HMGB2: variants seen among roughly 807,000 people sequenced by gnomAD.
HMGB2 encodes the protein high mobility group protein B2.
HMGB2 carries 2 observed loss-of-function variants against 23.0 expected under a neutral mutation model. The observed-to-expected ratio is 0.09, with a 90% CI of 0.04 to 0.27. The LOEUF is 0.27. HMGB2 is among the 10% of genes least tolerant of loss of function. The pLI is 1.00. For synonymous variants in HMGB2, 99 were observed against 87.5 expected (o/e 1.13, Z -0.73); for missense variants, 178 against 256.5 (o/e 0.69, Z 2.09).
rs1738114671 is a variant in HMGB2 at position 173,332,120 on chromosome 4, T to A, written c.590A>T (p.Glu197Val). ...ATCCTCTTCCTCCTCATCTTCATCT[T>A]CTTCTTCCTCCTCCTCCTCCTCATC... The part of the protein sequence containing the change: ...PEDEEEEEEE[E>V]DEDEEEEDED... Residue 197 changes from glutamate to valine, a missense_variant, in exon 5 of 5, where the codon GAA becomes GTA. By Grantham distance (121) the Glu-to-Val change is moderately radical. Around this residue, in one of 3 missense-constraint regions of HMGB2, gnomAD observed 45 missense variants for 38.8 expected, o/e 1.16. Coordinates refer to ENST00000296503, the MANE Select transcript of HMGB2 (RefSeq NM_002129.4). 3 of 1,611,504 alleles carry A rather than the reference T, an allele frequency of 1.9e-6. No individual in the cohort carries two copies. The highest frequency in any genetic ancestry group is 3.3e-5 in the Admixed American group (2 of 59,986).
Position 173,332,698 on chromosome 4 carries a change from A to G in HMGB2, c.471+123T>C, listed in dbSNP as rs142574192. 97 of 871,528 alleles carry G rather than the reference A, an allele frequency of 1.1e-4. No homozygotes were observed. The East Asian group carries it at 2.3e-3, about 21-fold the overall frequency. 54.0% of individuals were successfully genotyped at this position (871,528 alleles called of 1,614,324 possible). On this transcript the variant is annotated intron_variant, in intron 4 of 4. Transcript: ENST00000296503. ...CCTTGTGTTGAAGTGTACAATTTTC[A>G]TTAGGCCTTTTCAAAACATAGCTGA...
chr4:173,332,162 T>G lies in HMGB2; in HGVS notation c.548A>C (p.Lys183Thr). The G allele has an allele frequency of 6.2e-7, 1 of 1,613,900 alleles. No individual in the cohort carries two copies. The highest frequency in any genetic ancestry group is 1.3e-5 in the African/African-American group (1 of 75,060). ...CTCCTCATCTTCTGGTTCGTTCTTC[T>G]TCTTTGAGCCTGTTGGCCTGCCAGG... ...KGPGRPTGSKKKNEPEDEEEE... is the reference protein window; with the variant it reads ...KGPGRPTGSKTKNEPEDEEEE... Residue 183 changes from lysine (K) to threonine (T), a missense_variant, in exon 5 of 5, where the codon AAG (lysine) becomes ACG (threonine). Around this residue, in one of 3 missense-constraint regions of HMGB2, gnomAD observed 45 missense variants for 38.8 expected, o/e 1.16. Transcript: ENST00000296503.
At position 173,333,069 on chromosome 4, in the gene HMGB2, G is replaced by A. The variant is rs746823348; in HGVS notation, c.296C>T (p.Pro99Leu). ...GCAATTTGGGTTATTTTAAACTTAC[G>A]GTGGCCTTTTAGGAGCATTGGGGTC... ...KKDPNAPKRP[P>L]SAFFLFCSEH... The change falls in exon 3 of 5, where the codon CCA becomes CTA. Residue 99 changes from proline to leucine, a missense_variant and splice_region_variant. Physicochemically the swap from Pro to Leu is moderately conservative, Grantham distance 98. This residue lies in a region of HMGB2 where 43 missense variants were observed against 103.3 expected (regional missense o/e 0.42). Coordinates refer to ENST00000296503, the MANE Select transcript of HMGB2 (RefSeq NM_002129.4). This position sits in a 1 kb window ranked among gnomAD's most constrained non-coding sequence, Gnocchi z 4.6. 4 of 1,612,910 alleles carry A rather than the reference G, an allele frequency of 2.5e-6. No individual in the cohort carries two copies. The highest frequency in any genetic ancestry group is 3.4e-6 in the Non-Finnish European group (4 of 1,179,480).
chr4:173,333,809 C>A lies in HMGB2; in HGVS notation c.-20-140G>T, dbSNP rs1738173624. ...CGCGCCCCCCTCCTCCCGAGGGCGT[C>A]CTCCCAAGGGCGGCCGCCCGCGCCC... On this transcript the variant is annotated intron_variant, in intron 1 of 4. Coordinates refer to ENST00000296503, the MANE Select transcript of HMGB2 (RefSeq NM_002129.4). The surrounding 1 kb of genome is among the most constrained non-coding windows in gnomAD (Gnocchi z 4.6). The A allele has an allele frequency of 2.0e-6, 1 of 507,078 alleles. No individual in the cohort carries two copies. The highest frequency in any genetic ancestry group is 3.0e-6 in the Non-Finnish European group (1 of 332,852). The allele number at this position is 507,078 out of a possible 1,614,324, so 31.4% of individuals were successfully genotyped here.
chr4:173,332,313 C>G (rs1738122739), intron 4 of HMGB2, 75 bp from the exon 5 acceptor site: 4 of 1,150,058 alleles, frequency 3.5e-6, no homozygotes, highest in Non-Finnish European at 3.7e-6. Flanking sequence ...TGTAAACAAT[C>G]TAAGATGATT....
rs912111885 is a variant in HMGB2 at position 173,332,125 on chromosome 4, T to C, written c.585A>G (p.Glu195=). The C allele has an allele frequency of 5.2e-5, 84 of 1,607,682 alleles. No individual in the cohort carries two copies. Among genetic ancestry groups the C allele is most frequent in the East Asian group, 4.2e-4 (19 of 44,836 alleles). ...CTTCCTCCTCATCTTCATCTTCTTC[T>C]TCCTCCTCCTCCTCCTCATCTTCTG... ...NEPEDEEEEE[E]EEDEDEEEED... is the part of the protein sequence containing the mutation. The change falls in exon 5 of 5, where the codon GAA becomes GAG. Residue 195 remains glutamate, a synonymous_variant. Transcript: ENST00000296503.
Position 173,334,292 on chromosome 4 carries a change from G to C in HMGB2, c.-41C>G, listed in dbSNP as rs1310549198. The C allele has an allele frequency of 1.3e-5, 2 of 152,406 alleles. No individual in the cohort carries two copies. The highest frequency in any genetic ancestry group is 1.5e-5 in the Non-Finnish European group (1 of 68,226). The allele number at this position is 152,406 out of a possible 1,614,324, so 9.4% of individuals were successfully genotyped here. A position where few individuals can be genotyped will look rare whatever the true frequency, so the allele number is the denominator to read the frequency against. On this transcript the variant is annotated 5_prime_UTR_variant, in exon 1 of 5. Coordinates refer to ENST00000296503, the MANE Select transcript of HMGB2 (RefSeq NM_002129.4). ...CTTGCCTGGTGCGAGCTTTTCCTCA[G>C]AGTCCCGCAGAGCGGCCGGACCCAA...
chr4:173,332,058 C>G lies in HMGB2; in HGVS notation c.*22G>C. The G allele has an allele frequency of 6.2e-7, 1 of 1,613,450 alleles. No individual in the cohort carries two copies. Among genetic ancestry groups the G allele is most frequent in the Non-Finnish European group, 8.5e-7 (1 of 1,179,834 alleles). ...CCTGAGCACACACACACATTCCACA[C>G]GCATCATTAAAGGATAGCCATTTAT... On this transcript the variant is annotated 3_prime_UTR_variant, in exon 5 of 5. Coordinates refer to ENST00000296503, the MANE Select transcript of HMGB2 (RefSeq NM_002129.4).
Position 173,333,287 on chromosome 4 carries a change from T to C in HMGB2, c.151-73A>G, listed in dbSNP as rs957755830. The stretch of plus-strand genomic sequence containing the variant: ...TAAACATCCAAAGACGACAAGATCA[T>C]CTTTAAGGACCACATTTTCCTTAAC... On this transcript the variant is annotated intron_variant, in intron 2 of 4. Transcript: ENST00000296503. This position sits in a 1 kb window ranked among gnomAD's most constrained non-coding sequence, Gnocchi z 4.6. The C allele has an allele frequency of 3.3e-6, 5 of 1,512,964 alleles. No individual in the cohort carries two copies. In the African/African-American group the frequency reaches 5.6e-5, roughly 17 times the overall value. 93.7% of individuals were successfully genotyped at this position (1,512,964 alleles called of 1,614,324 possible). A position where few individuals can be genotyped will look rare whatever the true frequency, so the allele number is the denominator to read the frequency against.
chr4:173,333,544 C>A lies in HMGB2; in HGVS notation c.106G>T (p.Val36Phe). 6.2e-7 allele frequency: 1 copy of A among 1,614,134 alleles called. No individual in the cohort carries two copies. The highest frequency in any genetic ancestry group is 8.5e-7 in the Non-Finnish European group (1 of 1,179,974). Residue 36 changes from valine (V) to phenylalanine (F), a missense_variant, in exon 2 of 5, where the codon GTC (valine) becomes TTC (phenylalanine). This residue lies in a region of HMGB2 where 90 missense variants were observed against 114.4 expected (regional missense o/e 0.79). Transcript: ENST00000296503. This position sits in a 1 kb window ranked among gnomAD's most constrained non-coding sequence, Gnocchi z 4.6. ...EHKKKHPDSSVNFAEFSKKCS... is the reference protein window; with the variant it reads ...EHKKKHPDSSFNFAEFSKKCS... ...TTCTTGGAGAATTCCGCGAAATTGACGGAAGAGTCCGGGTGTTTCTTCTTG... is the reference window on the plus strand; with the variant it reads ...TTCTTGGAGAATTCCGCGAAATTGAAGGAAGAGTCCGGGTGTTTCTTCTTG...
Position 173,332,989 on chromosome 4 carries a change from G to C in HMGB2, c.303C>G (p.Ala101=). The C allele has an allele frequency of 3.1e-6, 5 of 1,613,980 alleles. No homozygotes were observed. Among genetic ancestry groups the C allele is most frequent in the African/African-American group, 1.3e-5 (1 of 75,046 alleles). Residue 101 remains alanine (A), a synonymous_variant, in exon 4 of 5, where the codon GCC becomes GCG. Coordinates refer to ENST00000296503, the MANE Select transcript of HMGB2 (RefSeq NM_002129.4). ...DPNAPKRPPS[A]FFLFCSEHRP... ...GATGTTCAGAGCAAAACAGGAAGAA[G>C]GCAGATCTGAAAGGAAGCAACAGAG...
Position 173,332,464 on chromosome 4 carries a change from C to T in HMGB2, c.472-226G>A, listed in dbSNP as rs567969221. 297 of 523,178 alleles carry T rather than the reference C, an allele frequency of 5.7e-4. 1 individual carries two copies. The highest frequency in any genetic ancestry group is 3.8e-3 in the Admixed American group (103 of 27,410). The allele number at this position is 523,178 out of a possible 1,614,324, so 32.4% of individuals were successfully genotyped here. On this transcript the variant is annotated intron_variant, in intron 4 of 4. Transcript: ENST00000296503. ...GTATCAGTACTTTCACTACCAATAC[C>T]CTTTTACATCACACACAGTGCCATA... is the stretch of plus-strand genomic sequence containing the variant.
chr4:173,331,960 A>G lies in HMGB2; in HGVS notation c.*120T>C. On this transcript the variant is annotated 3_prime_UTR_variant, in exon 5 of 5. Coordinates refer to ENST00000296503, the MANE Select transcript of HMGB2 (RefSeq NM_002129.4). ...TACAGAGAATCTTATCAGCTATACA[A>G]AAATCTGTACAGTTTTTATACTGAA... is the stretch of plus-strand genomic sequence containing the variant. The G allele has an allele frequency of 7.2e-7, 1 of 1,397,582 alleles. No individual in the cohort carries two copies. Among genetic ancestry groups the G allele is most frequent in the Non-Finnish European group, 9.5e-7 (1 of 1,047,520 alleles). The allele number at this position is 1,397,582 out of a possible 1,614,324, so 86.6% of individuals were successfully genotyped here.
Position 173,333,382 on chromosome 4 carries a change from C to T in HMGB2, c.150+118G>A. 2 of 1,396,564 alleles carry T rather than the reference C, an allele frequency of 1.4e-6. No homozygotes were observed. The highest frequency in any genetic ancestry group is 2.0e-6 in the Non-Finnish European group (2 of 1,024,618). 86.5% of individuals were successfully genotyped at this position (1,396,564 alleles called of 1,614,324 possible). A position where few individuals can be genotyped will look rare whatever the true frequency, so the allele number is the denominator to read the frequency against. On this transcript the variant is annotated intron_variant, in intron 2 of 4. Transcript: ENST00000296503. This position sits in a 1 kb window ranked among gnomAD's most constrained non-coding sequence, Gnocchi z 4.6. Reference sequence around the variant, plus strand: ...GTCTGCCTGGAACTCTTAAGATATTCAGGTGAGTCACTGGGGTGGCAAAGT... The same window carrying T: ...GTCTGCCTGGAACTCTTAAGATATTTAGGTGAGTCACTGGGGTGGCAAAGT...
Position 173,333,402 on chromosome 4 carries a change from C to A in HMGB2, c.150+98G>T, listed in dbSNP as rs1339516180. On this transcript the variant is annotated intron_variant, in intron 2 of 4. Transcript: ENST00000296503. This position sits in a 1 kb window ranked among gnomAD's most constrained non-coding sequence, Gnocchi z 4.6. Reference sequence around the variant, plus strand: ...ATATTCAGGTGAGTCACTGGGGTGGCAAAGTTGAAGCTCATGAGTTGCCTA... The same window carrying A: ...ATATTCAGGTGAGTCACTGGGGTGGAAAAGTTGAAGCTCATGAGTTGCCTA... 7.5e-6 allele frequency: 11 copies of A among 1,473,384 alleles called. No homozygotes were observed. The African/African-American group carries it at 1.6e-4, about 21-fold the overall frequency. 91.3% of individuals were successfully genotyped at this position (1,473,384 alleles called of 1,614,324 possible). A position where few individuals can be genotyped will look rare whatever the true frequency, so the allele number is the denominator to read the frequency against.
chr4:173,332,753 C>T (rs1738137803), intron 4 of HMGB2, 68 bp downstream of exon 4: 18 of 1,371,758 alleles, frequency 1.3e-5, no homozygotes, highest in Non-Finnish European at 1.8e-5. Flanking sequence ...AACTAAATTT[C>T]CCAGGTTTTC....
At position 173,333,712 on chromosome 4, in the gene HMGB2, G is replaced by T; in HGVS notation, c.-20-43C>A. ...GGAGAGGGGAAGCCGGAGGGTCGGCGCGGAGCCCGCAGCTGCCAGGGCGGG... is the reference window on the plus strand; with the variant it reads ...GGAGAGGGGAAGCCGGAGGGTCGGCTCGGAGCCCGCAGCTGCCAGGGCGGG... On this transcript the variant is annotated intron_variant, in intron 1 of 4. Coordinates refer to ENST00000296503, the MANE Select transcript of HMGB2 (RefSeq NM_002129.4). This position sits in a 1 kb window ranked among gnomAD's most constrained non-coding sequence, Gnocchi z 4.6. The T allele has an allele frequency of 6.8e-7, 1 of 1,474,664 alleles. No individual in the cohort carries two copies. The highest frequency in any genetic ancestry group is 9.1e-7 in the Non-Finnish European group (1 of 1,094,278). The allele number at this position is 1,474,664 out of a possible 1,614,324, so 91.3% of individuals were successfully genotyped here. A position where few individuals can be genotyped will look rare whatever the true frequency, so the allele number is the denominator to read the frequency against.
At position 173,333,680 on chromosome 4, in the gene HMGB2, CGAGGGGGGA is replaced by C; in HGVS notation, c.-20-20_-20-12del. ...CAGATCCGCGTCCACCTGACGGGGC[CGAGGGGGGA>C]GAGGGGAAGCCGGAGGGTCGGCGCG... On this transcript the variant is annotated splice_polypyrimidine_tract_variant and intron_variant, in intron 1 of 4. Transcript: ENST00000296503. This position sits in a 1 kb window ranked among gnomAD's most constrained non-coding sequence, Gnocchi z 4.6. The C allele has an allele frequency of 1.9e-6, 3 of 1,577,840 alleles. No homozygotes were observed. Among genetic ancestry groups the C allele is most frequent in the Non-Finnish European group, 2.6e-6 (3 of 1,158,604 alleles).
rs1738165591 is a variant in HMGB2 at position 173,333,600 on chromosome 4, G to A, written c.50C>T (p.Ala17Val). Residue 17 changes from alanine (A) to valine (V), a missense_variant, in exon 2 of 5, where the codon GCC (alanine) becomes GTC (valine). This residue lies in a region of HMGB2 where 90 missense variants were observed against 114.4 expected (regional missense o/e 0.79). Coordinates refer to ENST00000296503, the MANE Select transcript of HMGB2 (RefSeq NM_002129.4). The surrounding 1 kb of genome is among the most constrained non-coding windows in gnomAD (Gnocchi z 4.6). Reference sequence around the variant, plus strand: ...TTCCCGGCAGGTCTGCACGAAGAAGGCGTACGAGGACATTTTGCCCCGCGG... The same window carrying A: ...TTCCCGGCAGGTCTGCACGAAGAAGACGTACGAGGACATTTTGCCCCGCGG... ...NKPRGKMSSY[A>V]FFVQTCREEH... 1.9e-6 allele frequency: 3 copies of A among 1,614,032 alleles called. No homozygotes were observed. Among genetic ancestry groups the A allele is most frequent in the Non-Finnish European group, 1.7e-6 (2 of 1,179,998 alleles).
Sources: gnomAD v4.1 joint callset for allele counts on GRCh38, gnomAD v4.1.1 for gene constraint, gnomAD v4.1.1 regional missense constraint, Gnocchi (gnomAD v3.1) non-coding constraint, MANE v1.5 for transcripts, NCBI Gene and HGNC (gene_info 2026-07-23, HGNC 2026-07-21) for gene names.